ZNF804B: variants seen among roughly 807,000 people sequenced by gnomAD.
ZNF804B encodes zinc finger 804B.
ZNF804B carries 80 observed loss-of-function variants against 101.4 expected under a neutral mutation model. The observed-to-expected ratio is 0.79, with a 90% CI of 0.66 to 0.95. ZNF804B has a LOEUF of 0.95. Among genes scored for constraint, ZNF804B ranks in the 40% least tolerant of loss-of-function variants. The probability of loss-of-function intolerance (pLI) is 0.00; values close to 1 mark genes in which losing one functional copy is unlikely to be tolerated. For synonymous variants in ZNF804B, 622 were observed against 558.8 expected, an observed-to-expected ratio of 1.11 and a Z score of -1.59; for missense variants, 1,673 against 1,561.9, an observed-to-expected ratio of 1.07 and a Z score of -1.20.
chr7:89,272,713 A>G (rs1440609614), intron 2 of ZNF804B, among the ~76,000 whole-genome samples: 1 of 152,122 alleles, frequency 6.6e-6, no homozygotes, highest in Non-Finnish European at 1.5e-5. Context: ...AAGGGAAAAA[A>G]TGCTTTAATC....
chr7:88,794,257 A>C, intron 1 of ZNF804B: 4 of 1,613,758 alleles, frequency 2.5e-6, no homozygotes, highest in Non-Finnish European at 3.4e-6. Context: ...CATGTTTATA[A>C]ATGTTGCCGG....
chr7:88,921,084 A>G (rs926926652), intron 1 of ZNF804B, among the ~76,000 whole-genome samples: 2 of 152,100 alleles, frequency 1.3e-5, no homozygotes, highest in African/African-American at 4.8e-5. Flanking sequence ...TATTTCCAAG[A>G]TTCTTTTTAG....
chr7:89,201,277 C>T (rs1788628818), intron 1 of ZNF804B, among the ~76,000 whole-genome samples: 1 of 151,826 alleles, frequency 6.6e-6, no homozygotes, highest in South Asian at 2.1e-4. Flanking sequence ...TGACAAATTC[C>T]AGAATTAGGA....
intron 1 of ZNF804B, among the ~76,000 whole-genome samples, chr7:88,848,571 T>C (rs1416283755): frequency 1.3e-5 from 2 of 151,580 alleles, no homozygotes; most frequent in Non-Finnish European, 2.9e-5. Context: ...AAATCTGAAA[T>C]GATTGTAAAG....
intron 1 of ZNF804B, among the ~76,000 whole-genome samples, chr7:89,070,554 C>T (rs1307953220): frequency 6.6e-6 from 1 of 151,876 alleles, no homozygotes; most frequent in Non-Finnish European, 1.5e-5. Context: ...AGCAAGTTAA[C>T]TAAGTTCTCT....
intron 1 of ZNF804B, among the ~76,000 whole-genome samples, chr7:88,843,907 CT>C (rs1562809305): frequency 6.6e-6 from 1 of 151,946 alleles, no homozygotes; most frequent in East Asian, 1.9e-4. Flanking sequence ...AAAATAAACT[CT>C]TTTAACAATA....
intron 1 of ZNF804B, among the ~76,000 whole-genome samples, chr7:88,916,837 C>T (rs750799223): frequency 1.2e-4 from 19 of 152,134 alleles, no homozygotes; most frequent in Non-Finnish European, 2.5e-4. Flanking sequence ...AGAGGAATAT[C>T]ATTTGTCTTA....
At chr7:88,769,384 G>A (rs112215892) in intron 1 of ZNF804B, among the ~76,000 whole-genome samples, 1,775 of 152,170 alleles carry the variant, frequency 0.012, 21 homozygotes, top group African/African-American at 0.035. Flanking sequence ...AGATCATTTG[G>A]TCAATTGCTT....
intron 2 of ZNF804B, among the ~76,000 whole-genome samples, chr7:89,272,162 C>G (rs1479331481): frequency 6.6e-6 from 1 of 152,064 alleles, no homozygotes; most frequent in East Asian, 1.9e-4. Flanking sequence ...GCTTCAGTAT[C>G]TGCGCTCATA....
chr7:89,221,993 AT>A (rs1397387535), intron 2 of ZNF804B, among the ~76,000 whole-genome samples: 1 of 151,972 alleles, frequency 6.6e-6, no homozygotes, highest in African/African-American at 2.4e-5. Flanking sequence ...TGTTGTAAAA[AT>A]TTTATACGTA....
At chr7:89,085,989 A>G (rs1789794855) in intron 1 of ZNF804B, among the ~76,000 whole-genome samples, 1 of 151,888 alleles carries the variant, frequency 6.6e-6, no homozygotes, top group Non-Finnish European at 1.5e-5. Context: ...ATTTTTGCAA[A>G]TCAAGTATTT....
intron 1 of ZNF804B, among the ~76,000 whole-genome samples, chr7:88,789,553 T>C (rs1248279417): frequency 6.6e-6 from 1 of 152,118 alleles, no homozygotes; most frequent in East Asian, 1.9e-4. Context: ...GAAAGGTACT[T>C]TTTGGGTTCT....
At chr7:89,309,552 G>C (rs764777108) in intron 2 of ZNF804B, among the ~76,000 whole-genome samples, 1 of 151,822 alleles carries the variant, frequency 6.6e-6, no homozygotes, top group Non-Finnish European at 1.5e-5. Flanking sequence ...ACAATGTCAG[G>C]AGTTGGAGAC....
intron 2 of ZNF804B, among the ~76,000 whole-genome samples, chr7:89,233,647 T>G (rs915181152): frequency 6.6e-6 from 1 of 151,860 alleles, no homozygotes. Context: ...TTCTTCTCTT[T>G]TTTTTTTTGA....
intron 1 of ZNF804B, among the ~76,000 whole-genome samples, chr7:88,865,657 T>C (rs1791715864): frequency 6.6e-6 from 1 of 152,202 alleles, no homozygotes; most frequent in East Asian, 1.9e-4. Context: ...ACCAAAACTT[T>C]TGTTCCATGT....
intron 1 of ZNF804B, among the ~76,000 whole-genome samples, chr7:89,007,711 A>G (rs1413350316): frequency 6.7e-6 from 1 of 149,842 alleles, no homozygotes; most frequent in East Asian, 1.9e-4. Context: ...TTATGTTGAC[A>G]GCATGGAACA....
At chr7:88,945,170 A>G (rs529038690) in intron 1 of ZNF804B, among the ~76,000 whole-genome samples, 6 of 152,150 alleles carry the variant, frequency 3.9e-5, no homozygotes, top group East Asian at 1.9e-4. Context: ...GCACATGTCT[A>G]TGTCCTGAAT....
At chr7:89,015,844 A>G (rs1266831851) in intron 1 of ZNF804B, among the ~76,000 whole-genome samples, 4 of 152,188 alleles carry the variant, frequency 2.6e-5, no homozygotes, top group Admixed American at 6.5e-5. Context: ...TCCTTTGGGT[A>G]TACACCCAGT....
chr7:89,320,485 A>G (rs117755791), intron 2 of ZNF804B, among the ~76,000 whole-genome samples: 3 of 152,228 alleles, frequency 2.0e-5, no homozygotes, highest in Non-Finnish European at 4.4e-5. Flanking sequence ...ACACACACAA[A>G]AAAACAGTGC....
Sources: gnomAD v4.1 joint callset for allele counts (sites outside exome capture counted in the v4.1 genomes callset) on GRCh38, gnomAD v4.1.1 for gene constraint, MANE v1.5 for transcripts, NCBI Gene and HGNC (gene_info 2026-07-23, HGNC 2026-07-21) for gene names.